Variants in IL7 observed in about 807,000 individuals in gnomAD.
IL7 encodes the protein interleukin 7.
Under a neutral mutation model 21.6 loss-of-function variants are expected in IL7, and 3 were observed. The ratio of observed to expected loss-of-function variants is 0.14; its 90% CI spans 0.06 to 0.36. IL7 has a LOEUF of 0.36. Ranked by LOEUF, IL7 falls within the 10% of genes least tolerant of loss-of-function variation. The pLI is 1.00. For synonymous variants in IL7, 62 were observed against 68.1 expected (o/e 0.91, Z 0.44); for missense variants, 175 against 200.2 (o/e 0.87, Z 0.76).
intron 4 of IL7, among the ~76,000 whole-genome samples, chr8:78,683,159 T>C (rs1809844858): frequency 6.6e-6 from 1 of 151,724 alleles, no homozygotes; most frequent in Non-Finnish European, 1.5e-5. Context: ...AACCTGTCGG[T>C]GGATCTACCA....
rs181114172 is a variant in IL7 at position 78,761,269 on chromosome 8, T to C, written c.148-21187A>G. On this transcript the variant is annotated intron_variant, in intron 2 of 5. Transcript: ENST00000263851. Reference sequence around the variant, plus strand: ...GTGATCGATGGAAAAAAGAACAAACTTCCTCGATTGTTCCTAATGCAACAG... The same window carrying C: ...GTGATCGATGGAAAAAAGAACAAACCTCCTCGATTGTTCCTAATGCAACAG... 2.3e-3 allele frequency: 3,761 copies of C among 1,607,672 alleles called. 5 individuals carry two copies. Among genetic ancestry groups the C allele is most frequent in the Non-Finnish European group, 2.8e-3 (3,307 of 1,178,488 alleles).
At chr8:78,777,647 A>G (rs1313130058) in intron 2 of IL7, among the ~76,000 whole-genome samples, 1 of 152,062 alleles carries the variant, frequency 6.6e-6, no homozygotes, top group Non-Finnish European at 1.5e-5. Context: ...TTGAATGACA[A>G]TATCATCAAT....
intron 2 of IL7, among the ~76,000 whole-genome samples, chr8:78,775,555 GA>G (rs1339945338): frequency 6.6e-6 from 1 of 152,084 alleles, no homozygotes; most frequent in African/African-American, 2.4e-5. Context: ...ATTCTAATTG[GA>G]AAAATCAGGC....
intron 2 of IL7, among the ~76,000 whole-genome samples, chr8:78,794,547 G>A (rs563362422): frequency 1.1e-4 from 17 of 152,098 alleles, no homozygotes; most frequent in South Asian, 8.3e-4. Flanking sequence ...TCTAGATGTC[G>A]CCTGTTTCCA....
At chr8:78,748,863 G>A (rs553438447) in intron 2 of IL7, among the ~76,000 whole-genome samples, 1 of 152,092 alleles carries the variant, frequency 6.6e-6, no homozygotes, top group South Asian at 2.1e-4. Context: ...AAATAGAAAA[G>A]AAAGCTAATA....
intron 2 of IL7, among the ~76,000 whole-genome samples, chr8:78,778,396 G>A (rs1813203909): frequency 6.6e-6 from 1 of 152,042 alleles, no homozygotes; most frequent in Non-Finnish European, 1.5e-5. Context: ...TTCTTGAAGA[G>A]GGGAATACAT....
intron 3 of IL7, among the ~76,000 whole-genome samples, chr8:78,687,175 C>CG (rs756763820): frequency 1.2e-3 from 188 of 151,822 alleles, no homozygotes; most frequent in Non-Finnish European, 8.4e-4. Flanking sequence ...ACTGAGATAC[C>CG]GAAAAACTTA....
chr8:78,758,782 CCT>C (rs1251041034), intron 2 of IL7, among the ~76,000 whole-genome samples: 2 of 151,990 alleles, frequency 1.3e-5, no homozygotes, highest in African/African-American at 4.8e-5. Flanking sequence ...TAAAATTCTC[CCT>C]CTGTCTTCAA....
At chr8:78,735,293 G>GTTT (rs33976248) in intron 5 of IL7, among the ~76,000 whole-genome samples, 11 of 69,570 alleles carry the variant, frequency 1.6e-4, no homozygotes, top group South Asian at 5.8e-4. Context: ...TTTTTTTTTT[G>GTTT]TTTTTTTTTT....
intron 3 of IL7, chr8:78,698,405 T>C: frequency 6.2e-7 from 1 of 1,601,344 alleles, no homozygotes; most frequent in Non-Finnish European, 8.5e-7. Flanking sequence ...AATGCTTTTT[T>C]ATTATAAGGT....
chr8:78,692,571 GA>G (rs1365824083), intron 3 of IL7, among the ~76,000 whole-genome samples: 3 of 151,932 alleles, frequency 2.0e-5, no homozygotes, highest in Non-Finnish European at 4.4e-5. Context: ...CCTTTTTTAG[GA>G]GGGGAGCAGT....
intron 2 of IL7, among the ~76,000 whole-genome samples, chr8:78,765,945 G>T (rs1475028599): frequency 4.6e-5 from 7 of 152,064 alleles, no homozygotes; most frequent in Non-Finnish European, 1.0e-4. Context: ...GTAGGTGAAT[G>T]AATAAGTAAA....
intron 2 of IL7, among the ~76,000 whole-genome samples, chr8:78,790,711 G>A (rs571003969): frequency 5.9e-5 from 9 of 151,958 alleles, no homozygotes; most frequent in South Asian, 2.1e-4. Flanking sequence ...ATTTGCAATA[G>A]CATTAAAGAG....
chr8:78,721,997 GTATATAAAA>G (rs1811250787), intron 3 of IL7, among the ~76,000 whole-genome samples: 1 of 151,824 alleles, frequency 6.6e-6, no homozygotes, highest in Non-Finnish European at 1.5e-5. Context: ...AATAACGTTT[GTATATAAAA>G]TATTCCAATT....
intron 2 of IL7, among the ~76,000 whole-genome samples, chr8:78,771,724 A>C (rs1812961686): frequency 6.6e-6 from 1 of 152,122 alleles, no homozygotes; most frequent in Non-Finnish European, 1.5e-5. Context: ...TACTGACACA[A>C]ATACTTACAC....
At chr8:78,676,406 A>G (rs985406981) in intron 4 of IL7, among the ~76,000 whole-genome samples, 3 of 152,028 alleles carry the variant, frequency 2.0e-5, no homozygotes, top group Non-Finnish European at 4.4e-5. Flanking sequence ...CATTCTTAAG[A>G]TATGTTAGCT....
At chr8:78,797,865 A>C in intron 2 of IL7, 1 of 413,034 alleles carries the variant, frequency 2.4e-6, no homozygotes. Flanking sequence ...AGTTGTGAGA[A>C]TCTTAGAGTC....
chr8:78,712,058 C>T, intron 3 of IL7: 4 of 1,289,594 alleles, frequency 3.1e-6, no homozygotes, highest in Non-Finnish European at 4.0e-6. Flanking sequence ...GACAGTGATA[C>T]AAAATCAGAC....
intron 2 of IL7, among the ~76,000 whole-genome samples, chr8:78,758,690 C>A (rs1812437834): frequency 1.3e-5 from 2 of 152,088 alleles, no homozygotes; most frequent in Non-Finnish European, 1.5e-5. Flanking sequence ...TCCTGGCCTG[C>A]AAGATTTTTA....
Sources: gnomAD v4.1 joint callset for allele counts (sites outside exome capture counted in the v4.1 genomes callset) on GRCh38, gnomAD v4.1.1 for gene constraint, MANE v1.5 for transcripts, NCBI Gene and HGNC (gene_info 2026-07-23, HGNC 2026-07-21) for gene names.